The following COBL variants were observed in gnomAD, a reference collection of about 807,000 sequenced individuals.
COBL encodes protein cordon-bleu.
A neutral mutation model predicts 98.8 loss-of-function variants in COBL; 51 were observed. The ratio of observed to expected loss-of-function variants is 0.52; its 90% CI spans 0.41 to 0.65. The LOEUF is 0.65. Among genes scored for constraint, COBL ranks in the 30% least tolerant of loss-of-function variants. The probability of loss-of-function intolerance (pLI) is 0.00; values close to 1 mark genes in which losing one functional copy is unlikely to be tolerated. For synonymous variants in COBL, 634 were observed against 651.7 expected, an observed-to-expected ratio of 0.97 and a Z score of 0.41; for missense variants, 1,617 against 1,617.5, an observed-to-expected ratio of 1.00 and a Z score of 0.01.
At chr7:51,290,522 C>T (rs1022709940) in intron 1 of COBL, among the ~76,000 whole-genome samples, 1 of 152,082 alleles carries the variant, frequency 6.6e-6, no homozygotes, top group African/African-American at 2.4e-5. Flanking sequence ...TTAGTTTACC[C>T]CTAAATAAAC....
intron 6 of COBL, among the ~76,000 whole-genome samples, chr7:51,125,883 C>T (rs1376247530): frequency 1.3e-5 from 2 of 152,190 alleles, no homozygotes; most frequent in Non-Finnish European, 2.9e-5. Context: ...AATTAAACAT[C>T]TGGATGTAGC....
rs147685691 is a variant in COBL, at chr7:51,045,467, G to A, written c.1097-1775C>T. ...CTGTATGGTCACACCAACTCTCGGT[G>A]TGCTCCCATAGGCAGAGTGTGGCAG... is the stretch of plus-strand genomic sequence containing the variant. On this transcript the variant is annotated intron_variant, in intron 7 of 12. Transcript: ENST00000265136. 3.3e-5 allele frequency among the ~76,000 whole-genome samples: 5 copies of A among 152,334 alleles called. No individual in the cohort carries two copies. In the East Asian group the frequency reaches 9.6e-4, roughly 29 times the overall value.
chr7:51,048,207 A>C (rs933938547), intron 7 of COBL, among the ~76,000 whole-genome samples: 1 of 152,146 alleles, frequency 6.6e-6, no homozygotes, highest in African/African-American at 2.4e-5. Context: ...TTTTTGGCAT[A>C]TCCCTCCAAA....
At position 51,082,400 on chromosome 7, in the gene COBL, T is replaced by C. The variant is rs1448791606; in HGVS notation, c.1096+2766A>G. Among the ~76,000 whole-genome samples, 4 of 152,270 alleles carry C rather than the reference T, an allele frequency of 2.6e-5. No individual in the cohort carries two copies. In the East Asian group the frequency reaches 5.8e-4, roughly 22 times the overall value. On this transcript the variant is annotated intron_variant, in intron 7 of 12. Transcript: ENST00000265136. ...GAGAGTAAGTGTATAAAACTATGCCTGTCCGGAGGTGGGAATGCTATCTCT... is the reference window on the plus strand; with the variant it reads ...GAGAGTAAGTGTATAAAACTATGCCCGTCCGGAGGTGGGAATGCTATCTCT...
intron 5 of COBL, among the ~76,000 whole-genome samples, chr7:51,170,534 T>TATATATATATATATATATATATAA (rs1315143701): frequency 1.5e-5 from 2 of 134,502 alleles, no homozygotes; most frequent in African/African-American, 5.7e-5. Context: ...TATATATAAA[T>TATATATATATATATATATATATAA]ATATATCACA....
intron 5 of COBL, among the ~76,000 whole-genome samples, chr7:51,167,332 G>C (rs763852610): frequency 6.6e-6 from 1 of 151,942 alleles, no homozygotes; most frequent in Non-Finnish European, 1.5e-5. Context: ...AAATTAAAAA[G>C]TAATCCCATT....
intron 2 of COBL, among the ~76,000 whole-genome samples, chr7:51,205,418 T>C (rs913923270): frequency 3.9e-5 from 6 of 151,918 alleles, no homozygotes; most frequent in African/African-American, 1.5e-4. Context: ...ATGGGGAAAG[T>C]ACCATCTCTT....
At chr7:51,265,741 C>A (rs971181360) in intron 1 of COBL, among the ~76,000 whole-genome samples, 1 of 152,200 alleles carries the variant, frequency 6.6e-6, no homozygotes, top group African/African-American at 2.4e-5. Context: ...TGCAACCCTC[C>A]CTCCCTGCCC....
intron 2 of COBL, among the ~76,000 whole-genome samples, chr7:51,207,101 T>C (rs925101132): frequency 2.0e-5 from 3 of 152,204 alleles, no homozygotes; most frequent in Non-Finnish European, 4.4e-5. Flanking sequence ...CAAATATATA[T>C]GTATATCAAC....
At chr7:51,113,797 T>A (rs1797040665) in intron 6 of COBL, among the ~76,000 whole-genome samples, 1 of 152,212 alleles carries the variant, frequency 6.6e-6, no homozygotes, top group African/African-American at 2.4e-5. Context: ...AAACTTGAAT[T>A]TGATGGAATT....
At chr7:51,101,055 T>C (rs1795763392) in intron 6 of COBL, among the ~76,000 whole-genome samples, 1 of 152,246 alleles carries the variant, frequency 6.6e-6, no homozygotes, top group Non-Finnish European at 1.5e-5. Context: ...TTAAACTCCT[T>C]GAGGCTTTGC....
intron 1 of COBL, among the ~76,000 whole-genome samples, chr7:51,311,615 G>T (rs535503876): frequency 6.6e-6 from 1 of 152,132 alleles, no homozygotes; most frequent in African/African-American, 2.4e-5. Flanking sequence ...GAAAAGTGAC[G>T]TAGGCTTCCC....
intron 7 of COBL, among the ~76,000 whole-genome samples, chr7:51,084,104 G>C (rs1050885791): frequency 6.6e-6 from 1 of 152,100 alleles, no homozygotes; most frequent in African/African-American, 2.4e-5. Flanking sequence ...TGGAATACAG[G>C]TTATTGCTTC....
chr7:51,204,893 A>G (rs1180097566), intron 2 of COBL, among the ~76,000 whole-genome samples: 2 of 152,202 alleles, frequency 1.3e-5, no homozygotes, highest in African/African-American at 4.8e-5. Flanking sequence ...TTAAAAAGGA[A>G]ATTAAGAAAG....
At chr7:51,112,161 A>G (rs1796887421) in intron 6 of COBL, among the ~76,000 whole-genome samples, 1 of 152,226 alleles carries the variant, frequency 6.6e-6, no homozygotes, top group African/African-American at 2.4e-5. Context: ...AAAGCATAAG[A>G]GAGGAGAAAC....
At chr7:51,283,918 C>T (rs1335161967) in intron 1 of COBL, among the ~76,000 whole-genome samples, 2 of 152,016 alleles carry the variant, frequency 1.3e-5, no homozygotes, top group African/African-American at 4.8e-5. Context: ...AGACACATCA[C>T]AAGAAAACTA....
At chr7:51,119,752 G>T (rs1267634071) in intron 6 of COBL, among the ~76,000 whole-genome samples, 1 of 152,070 alleles carries the variant, frequency 6.6e-6, no homozygotes, top group African/African-American at 2.4e-5. Context: ...CATCAATATA[G>T]GACTTAAAAT....
At chr7:51,018,905 A>AATATATATAT (rs71018490) in intron 12 of COBL, among the ~76,000 whole-genome samples, 4 of 34,432 alleles carry the variant, frequency 1.2e-4, no homozygotes, top group Non-Finnish European at 1.6e-4. Context: ...AAAAAAAAAA[A>AATATATATAT]ATATATATAT....
rs145623108 is a variant in COBL, at chr7:51,272,868, G to A, written c.41+43725C>T. On this transcript the variant is annotated intron_variant, in intron 1 of 12. Coordinates refer to ENST00000265136, the MANE Select transcript of COBL (RefSeq NM_015198.5). ...GTCACAATTCTGCTCTTATCTGCAG[G>A]TAAAGACAACTTAATACTACACAAG... Among the ~76,000 whole-genome samples, 11 of 152,066 alleles carry A rather than the reference G, an allele frequency of 7.2e-5. No homozygotes were observed. The East Asian group carries it at 1.7e-3, about 24-fold the overall frequency.
Sources: allele counts gnomAD v4.1 joint callset (sites outside exome capture counted in the v4.1 genomes callset), GRCh38; gene constraint gnomAD v4.1.1; transcripts MANE v1.5; gene names NCBI Gene and HGNC (gene_info 2026-07-23, HGNC 2026-07-21).